UNC5D: variants seen among roughly 807,000 people sequenced by gnomAD.
UNC5D encodes the protein unc-5 netrin receptor D.
Under a neutral mutation model 105.4 loss-of-function variants are expected in UNC5D, and 39 were observed. That is an observed-to-expected ratio of 0.37 (90% CI 0.29 to 0.48). UNC5D has a LOEUF of 0.48. UNC5D is among the 20% of genes least tolerant of loss of function. UNC5D has a pLI of 0.98. For missense variants in UNC5D, 991 were observed against 1,202.4 expected (o/e 0.82, Z 2.60); for synonymous variants, 452 against 450.4 (o/e 1.00, Z -0.04).
chr8:35,774,882 GCACCA>G (rs1442977565), intron 16 of UNC5D, among the ~76,000 whole-genome samples: 2 of 143,780 alleles, frequency 1.4e-5, no homozygotes, highest in Admixed American at 1.4e-4. Flanking sequence ...AGCCAAGATT[GCACCA>G]CTGCACTCCA....
intron 1 of UNC5D, among the ~76,000 whole-genome samples, chr8:35,393,433 C>T (rs1403212725): frequency 6.6e-6 from 1 of 150,886 alleles, no homozygotes; most frequent in African/African-American, 2.4e-5. Flanking sequence ...GCGCCCGGCC[C>T]TACTTTTTAT....
intron 1 of UNC5D, among the ~76,000 whole-genome samples, chr8:35,408,590 C>T (rs1056575589): frequency 6.6e-6 from 1 of 151,392 alleles, no homozygotes; most frequent in Non-Finnish European, 1.5e-5. Context: ...GCTGTCAGAG[C>T]GTGACTAAAA....
At chr8:35,645,920 C>T (rs1823018797) in intron 4 of UNC5D, among the ~76,000 whole-genome samples, 1 of 148,182 alleles carries the variant, frequency 6.7e-6, no homozygotes, top group African/African-American at 2.5e-5. Context: ...CTTTAGATTA[C>T]ACACACACAC....
intron 10 of UNC5D, 78 bp downstream of exon 10, chr8:35,726,607 C>G (rs1828892154): frequency 6.4e-7 from 1 of 1,551,268 alleles, no homozygotes; most frequent in Middle Eastern, 1.7e-4. Context: ...CCATCAGATT[C>G]ATTTTATGAT....
chr8:35,783,986 TA>T (rs1395087841), intron 16 of UNC5D, among the ~76,000 whole-genome samples: 8 of 152,246 alleles, frequency 5.3e-5, no homozygotes, highest in African/African-American at 1.7e-4. Context: ...TAAGATTCTA[TA>T]AAAAAATTTG....
intron 4 of UNC5D, among the ~76,000 whole-genome samples, chr8:35,663,660 T>A (rs1336154696): frequency 3.9e-5 from 6 of 152,074 alleles, no homozygotes; most frequent in African/African-American, 1.4e-4. Flanking sequence ...TACATGTGAA[T>A]GTGGAAGAGA....
chr8:35,779,797 T>C (rs971104700), intron 16 of UNC5D, among the ~76,000 whole-genome samples: 3 of 152,050 alleles, frequency 2.0e-5, no homozygotes, highest in African/African-American at 4.8e-5. Context: ...TCTTAATAAA[T>C]AGAATTGATA....
At chr8:35,715,321 T>C (rs1298511564) in intron 8 of UNC5D, among the ~76,000 whole-genome samples, 1 of 152,188 alleles carries the variant, frequency 6.6e-6, no homozygotes, top group East Asian at 1.9e-4. Context: ...ACATATTTTT[T>C]TTTCTGAAAG....
At chr8:35,246,516 C>T (rs1803110561) in intron 1 of UNC5D, among the ~76,000 whole-genome samples, 1 of 152,178 alleles carries the variant, frequency 6.6e-6, no homozygotes, top group African/African-American at 2.4e-5. Context: ...AGTTAGGCAC[C>T]CTCTGCCATA....
intron 1 of UNC5D, among the ~76,000 whole-genome samples, chr8:35,465,716 A>G (rs1363513950): frequency 2.0e-5 from 3 of 152,142 alleles, no homozygotes; most frequent in East Asian, 3.9e-4. Context: ...TGAATATGTT[A>G]GGTTAGATGG....
chr8:35,285,246 G>A (rs1321819156), intron 1 of UNC5D, among the ~76,000 whole-genome samples: 3 of 152,282 alleles, frequency 2.0e-5, no homozygotes, highest in Non-Finnish European at 2.9e-5. Context: ...AAAGGCCTGC[G>A]TATTTTTCCA....
chr8:35,271,137 A>T (rs1404095023), intron 1 of UNC5D, among the ~76,000 whole-genome samples: 1 of 150,682 alleles, frequency 6.6e-6, no homozygotes, highest in Non-Finnish European at 1.5e-5. Flanking sequence ...AATGCAAAAA[A>T]TTTGATTTTG....
intron 1 of UNC5D, among the ~76,000 whole-genome samples, chr8:35,328,545 T>G (rs1810353908): frequency 6.6e-6 from 1 of 152,208 alleles, no homozygotes; most frequent in Non-Finnish European, 1.5e-5. Flanking sequence ...CTAACTGTAA[T>G]AATTATCCAA....
chr8:35,525,465 C>G, intron 1 of UNC5D: 1 of 1,612,276 alleles, frequency 6.2e-7, no homozygotes, highest in Non-Finnish European at 8.5e-7. Context: ...ATAGGCCTGG[C>G]TCAGCTTCTC....
intron 1 of UNC5D, among the ~76,000 whole-genome samples, chr8:35,413,831 G>T (rs1015567137): frequency 1.3e-5 from 2 of 152,008 alleles, no homozygotes; most frequent in Non-Finnish European, 2.9e-5. Context: ...TAGCAGAAAG[G>T]GTTGTTAGTT....
At chr8:35,515,483 G>A (rs1004534883) in intron 1 of UNC5D, among the ~76,000 whole-genome samples, 2 of 152,118 alleles carry the variant, frequency 1.3e-5, no homozygotes, top group African/African-American at 2.4e-5. Flanking sequence ...TCAGGAGTTC[G>A]AGACCAGCCT....
intron 1 of UNC5D, among the ~76,000 whole-genome samples, chr8:35,519,959 G>A (rs1813350035): frequency 1.3e-5 from 2 of 152,082 alleles, no homozygotes; most frequent in Non-Finnish European, 2.9e-5. Flanking sequence ...CTCATACATT[G>A]CTGGTGGAAA....
At chr8:35,378,270 C>G (rs1204054238) in intron 1 of UNC5D, among the ~76,000 whole-genome samples, 1 of 152,186 alleles carries the variant, frequency 6.6e-6, no homozygotes, top group Non-Finnish European at 1.5e-5. Context: ...TCTGCTAAAA[C>G]AGAAAATTTT....
intron 1 of UNC5D, among the ~76,000 whole-genome samples, chr8:35,353,447 T>A (rs1812387501): frequency 6.6e-6 from 1 of 152,212 alleles, no homozygotes; most frequent in Non-Finnish European, 1.5e-5. Flanking sequence ...TCTTTGGGAT[T>A]GTAACTTTAT....
Sources: gnomAD v4.1 joint callset for allele counts (sites outside exome capture counted in the v4.1 genomes callset) on GRCh38, gnomAD v4.1.1 for gene constraint, MANE v1.5 for transcripts, NCBI Gene and HGNC (gene_info 2026-07-23, HGNC 2026-07-21) for gene names.